Variants in TSHZ3 observed in about 807,000 individuals in gnomAD.
TSHZ3 encodes the protein teashirt homolog 3.
Under a neutral mutation model 64.5 loss-of-function variants are expected in TSHZ3, and 10 were observed. The observed-to-expected ratio is 0.16, with a 90% CI of 0.10 to 0.26. The LOEUF is 0.26. Ranked by LOEUF, TSHZ3 falls within the 10% of genes least tolerant of loss-of-function variation. TSHZ3 has a pLI of 1.00. For missense variants in TSHZ3, 1,242 were observed against 1,421.7 expected (o/e 0.87, Z 2.03); for synonymous variants, 608 against 593.1 (o/e 1.03, Z -0.36).
At chr19:31,299,802 T>G (rs1260744093) in intron 1 of TSHZ3, among the ~76,000 whole-genome samples, 1 of 152,204 alleles carries the variant, frequency 6.6e-6, no homozygotes, top group Non-Finnish European at 1.5e-5. Context: ...CCCAAGTCTC[T>G]GAGGCTCAGG....
chr19:31,204,728 C>T (rs1975140912), intron 5 of TSHZ3: 1 of 152,234 alleles, frequency 6.6e-6, no homozygotes, highest in Non-Finnish European at 1.5e-5. Flanking sequence ...CCTGAGTTGT[C>T]TTTCCTGCAC....
chr19:31,294,438 C>T (rs757574189), intron 1 of TSHZ3, among the ~76,000 whole-genome samples: 4 of 152,118 alleles, frequency 2.6e-5, no homozygotes, highest in Non-Finnish European at 5.9e-5. Context: ...GTACTCAGCA[C>T]TCACTCAGCA....
In TSHZ3 at chr19:31,278,678, G is replaced by C; in HGVS notation, c.1115C>G (p.Ala372Gly). 2 of 1,614,140 alleles carry C rather than the reference G, an allele frequency of 1.2e-6. No individual in the cohort carries two copies. The highest frequency in any genetic ancestry group is 1.3e-5 in the African/African-American group (1 of 75,034). The change falls in exon 2 of 2, where the codon GCC becomes GGC. Residue 372 changes from alanine (A) to glycine (G), a missense_variant. Coordinates refer to ENST00000240587, the MANE Select transcript of TSHZ3 (RefSeq NM_020856.4). The surrounding 1 kb of genome is among the most constrained non-coding windows in gnomAD (Gnocchi z 4.7). ...GGCCTCAAAGTGCCATGCATAGCTG[G>C]CCCCATTCTGGTGGCCGTACCGATT... The part of the protein sequence containing the change: ...PNNRYGHQNG[A>G]SYAWHFEARK...
At chr19:31,250,371 C>T (rs190295669) in intron 1 of TSHZ3, among the ~76,000 whole-genome samples, 1 of 152,192 alleles carries the variant, frequency 6.6e-6, no homozygotes, top group Admixed American at 6.5e-5. Context: ...TCCTCACCCG[C>T]TCATTCATTA....
intron 6 of TSHZ3, among the ~76,000 whole-genome samples, chr19:31,152,380 C>T (rs1436909939): frequency 6.6e-6 from 1 of 151,836 alleles, no homozygotes; most frequent in Non-Finnish European, 1.5e-5. Context: ...TTTTCGCTGA[C>T]TATTCAGAGT....
chr19:31,321,229 A>G (rs1157391289), intron 1 of TSHZ3, among the ~76,000 whole-genome samples: 1 of 152,158 alleles, frequency 6.6e-6, no homozygotes, highest in Non-Finnish European at 1.5e-5. Context: ...TGAATCAATC[A>G]TTCCAAGGTG....
At chr19:31,159,235 C>T (rs779525437) in intron 5 of TSHZ3, among the ~76,000 whole-genome samples, 15 of 152,188 alleles carry the variant, frequency 9.9e-5, no homozygotes, top group Non-Finnish European at 1.6e-4. Flanking sequence ...TCCTGACCTC[C>T]GGTAATCCAC....
At chr19:31,274,535 T>G (rs1046824512), downstream of TSHZ3, among the ~76,000 whole-genome samples, 5 of 152,004 alleles carry the variant, frequency 3.3e-5, no homozygotes, top group African/African-American at 1.2e-4. Flanking sequence ...CAAAGCTTTC[T>G]TTCCCATCAG....
intron 1 of TSHZ3, among the ~76,000 whole-genome samples, chr19:31,313,149 G>T (rs1189857570): frequency 1.3e-5 from 2 of 152,098 alleles, no homozygotes; most frequent in Non-Finnish European, 2.9e-5. Flanking sequence ...GCTTCCAGAG[G>T]AGACTCTGCG....
At chr19:31,350,370 A>C (rs1444968175), upstream of TSHZ3, among the ~76,000 whole-genome samples, 5 of 150,614 alleles carry the variant, frequency 3.3e-5, no homozygotes, top group African/African-American at 4.9e-5. Context: ...GGTTCCTTCA[A>C]GTTTCCTCTC....
chr19:31,181,484 T>G (rs1030875376), intron 5 of TSHZ3, among the ~76,000 whole-genome samples: 1 of 152,160 alleles, frequency 6.6e-6, no homozygotes, highest in Non-Finnish European at 1.5e-5. Flanking sequence ...GTAGCAGTGC[T>G]CTGTGGCTGG....
chr19:31,290,288 C>T (rs533992840), intron 1 of TSHZ3, among the ~76,000 whole-genome samples: 8 of 152,272 alleles, frequency 5.3e-5, no homozygotes, highest in African/African-American at 1.9e-4. Context: ...CCTCAGAGAA[C>T]ATGACAAATC....
At chr19:31,181,154 T>G (rs2145126645) in intron 5 of TSHZ3, among the ~76,000 whole-genome samples, 1 of 152,144 alleles carries the variant, frequency 6.6e-6, no homozygotes, top group South Asian at 2.1e-4. Context: ...TTACCAGTTT[T>G]TGAAGAATCA....
chr19:31,336,367 C>T (rs1031050654), intron 1 of TSHZ3, among the ~76,000 whole-genome samples: 2 of 152,246 alleles, frequency 1.3e-5, no homozygotes, highest in South Asian at 4.1e-4. Flanking sequence ...GCCAGGTTAT[C>T]GCTCTCTGGC....
chr19:31,217,921 T>A (rs1975354039), intron 4 of TSHZ3, among the ~76,000 whole-genome samples: 1 of 152,158 alleles, frequency 6.6e-6, no homozygotes, highest in Admixed American at 6.6e-5. Context: ...ATGTAAAGCA[T>A]GTAAAACACA....
At chr19:31,187,965 A>G (rs1974839303) in intron 5 of TSHZ3, among the ~76,000 whole-genome samples, 1 of 152,082 alleles carries the variant, frequency 6.6e-6, no homozygotes. Context: ...GTCTGCTGGA[A>G]TTTCTATTTG....
At chr19:31,323,598 C>T (rs950373199) in intron 1 of TSHZ3, among the ~76,000 whole-genome samples, 2 of 152,116 alleles carry the variant, frequency 1.3e-5, no homozygotes, top group African/African-American at 4.8e-5. Context: ...CTGGATTTAC[C>T]TCTGCTCTCA....
intron 4 of TSHZ3, among the ~76,000 whole-genome samples, chr19:31,217,546 AT>A (rs1384429072): frequency 6.6e-6 from 1 of 152,084 alleles, no homozygotes; most frequent in Non-Finnish European, 1.5e-5. Flanking sequence ...AGGTACAGAG[AT>A]TTCCCATGTG....
intron 1 of TSHZ3, among the ~76,000 whole-genome samples, chr19:31,291,547 G>C (rs902415874): frequency 2.0e-5 from 3 of 152,190 alleles, no homozygotes; most frequent in Non-Finnish European, 4.4e-5. Context: ...TTGCTCTGCT[G>C]CAGTTAGGGC....
Sources: allele counts gnomAD v4.1 joint callset (sites outside exome capture counted in the v4.1 genomes callset), GRCh38; gene constraint gnomAD v4.1.1; non-coding constraint Gnocchi (gnomAD v3.1); transcripts MANE v1.5; gene names NCBI Gene and HGNC (gene_info 2026-07-23, HGNC 2026-07-21).